Variants in HSPB6 observed in about 807,000 individuals in gnomAD.
HSPB6 encodes heat shock protein beta-6.
In HSPB6, 8 loss-of-function variants were observed where a neutral mutation model predicts 10.7. The ratio of observed to expected loss-of-function variants is 0.75; its 90% confidence interval spans 0.44 to 1.35. The LOEUF (loss-of-function observed/expected upper bound fraction) is 1.35, where lower values mean the gene tolerates loss of function less well. Among genes scored for constraint, HSPB6 ranks in the 40% most tolerant of loss-of-function variants. The pLI, the probability that HSPB6 is intolerant of heterozygous loss-of-function variation, is 0.00. For missense variants in HSPB6, 232 were observed against 236.0 expected (o/e 0.98, Z 0.11); for synonymous variants, 128 against 114.2 (o/e 1.12, Z -0.77).
rs1970735201 is a variant in HSPB6, at chr19:35,755,008, A to G, written c.*514T>C. Reference sequence around the variant, plus strand: ...GGGGAAGGATCGGGTCTTGGGAACCAGGCCTGGATGGTCTGGAGTGGGAGG... The same window carrying G: ...GGGGAAGGATCGGGTCTTGGGAACCGGGCCTGGATGGTCTGGAGTGGGAGG... On this transcript the variant is annotated 3_prime_UTR_variant, in exon 3 of 3. Coordinates refer to ENST00000004982, the MANE Select transcript of HSPB6 (RefSeq NM_144617.3). 1 of 224,916 alleles carries G rather than the reference A, an allele frequency of 4.4e-6. No homozygotes were observed. Among genetic ancestry groups the G allele is most frequent in the African/African-American group, 3.3e-5 (1 of 30,518 alleles). 13.9% of individuals were successfully genotyped at this position (224,916 alleles called of 1,614,324 possible).
In HSPB6 at chr19:35,755,334, C is replaced by T. The variant is rs1441567864; in HGVS notation, c.*188G>A. 2 of 713,950 alleles carry T rather than the reference C, an allele frequency of 2.8e-6. No homozygotes were observed. Among genetic ancestry groups the T allele is most frequent in the African/African-American group, 1.8e-5 (1 of 56,006 alleles). 44.2% of individuals were successfully genotyped at this position (713,950 alleles called of 1,614,324 possible). On this transcript the variant is annotated 3_prime_UTR_variant, in exon 3 of 3. Coordinates refer to ENST00000004982, the MANE Select transcript of HSPB6 (RefSeq NM_144617.3). ...CGGAAAGCTGGAGGGGGTGTGAGAGCGAGGGTGTCAGTGGAAGGGTCTATG... is the reference window on the plus strand; with the variant it reads ...CGGAAAGCTGGAGGGGGTGTGAGAGTGAGGGTGTCAGTGGAAGGGTCTATG...
rs573650486 is a variant in HSPB6, at chr19:35,755,501, C to A, written c.*21G>T. ...GGAGCCTGAGGAGGCTCCCGGGGTGCGGGCGCGGCCCAGCCCCCTCCTACT... is the reference window on the plus strand; with the variant it reads ...GGAGCCTGAGGAGGCTCCCGGGGTGAGGGCGCGGCCCAGCCCCCTCCTACT... On this transcript the variant is annotated 3_prime_UTR_variant, in exon 3 of 3. Transcript: ENST00000004982. The A allele has an allele frequency of 2.6e-6, 4 of 1,510,890 alleles. No homozygotes were observed. In the East Asian group the frequency reaches 1.0e-4, roughly 38 times the overall value. The allele number at this position is 1,510,890 out of a possible 1,614,324, so 93.6% of individuals were successfully genotyped here.
chr19:35,756,017 G>T, intron 1 of HSPB6, 123 bp from the exon 2 acceptor site: 1 of 1,374,932 alleles, frequency 7.3e-7, no homozygotes, highest in Non-Finnish European at 9.7e-7. Context: ...GAGTTGAGCA[G>T]TCAGCTCTCC....
chr19:35,755,042 G>T lies in HSPB6; in HGVS notation c.*480C>A. On this transcript the variant is annotated 3_prime_UTR_variant, in exon 3 of 3. Transcript: ENST00000004982. ...TGGTCTGGAGTGGGAGGTCTGTGCAGTCCAGGACGTTTGGGGGGTGGGGGG... is the reference window on the plus strand; with the variant it reads ...TGGTCTGGAGTGGGAGGTCTGTGCATTCCAGGACGTTTGGGGGGTGGGGGG... 1 of 299,090 alleles carries T rather than the reference G, an allele frequency of 3.3e-6. No homozygotes were observed. Among genetic ancestry groups the T allele is most frequent in the Non-Finnish European group, 6.3e-6 (1 of 159,604 alleles). 18.5% of individuals were successfully genotyped at this position (299,090 alleles called of 1,614,324 possible).
chr19:35,755,541 G>A lies in HSPB6; in HGVS notation c.464C>T (p.Pro155Leu), dbSNP rs867537413. ...QAAPASAQAP[P>L]PAAAK Reference sequence around the variant, plus strand: ...CCCCTCCTACTTGGCTGCGGCTGGCGGTGGGGCCTGGGCCGACGCTGGTGC... The same window carrying A: ...CCCCTCCTACTTGGCTGCGGCTGGCAGTGGGGCCTGGGCCGACGCTGGTGC... The change falls in exon 3 of 3, where the codon CCG (proline) becomes CTG (leucine). Residue 155 changes from proline (P) to leucine (L), a missense_variant. Physicochemically the swap from Pro to Leu is moderately conservative, Grantham distance 98 (BLOSUM62 -3). Coordinates refer to ENST00000004982, the MANE Select transcript of HSPB6 (RefSeq NM_144617.3). 11 of 1,517,682 alleles carry A rather than the reference G, an allele frequency of 7.2e-6. 1 individual carries two copies. The African/African-American group carries it at 1.4e-4, about 19-fold the overall frequency. 94.0% of individuals were successfully genotyped at this position (1,517,682 alleles called of 1,614,324 possible). A position where few individuals can be genotyped will look rare whatever the true frequency, so the allele number is the denominator to read the frequency against.
intron 1 of HSPB6, 129 bp from the exon 2 acceptor site, chr19:35,756,023 T>C (rs1448998036): frequency 3.0e-6 from 4 of 1,341,788 alleles, no homozygotes; most frequent in Non-Finnish European, 4.0e-6. Context: ...AGCAGTCAGC[T>C]CTCCTACTGG....
At chr19:35,756,598 C>A (rs1295565931) in intron 1 of HSPB6, among the ~76,000 whole-genome samples, 1 of 152,174 alleles carries the variant, frequency 6.6e-6, no homozygotes, top group Non-Finnish European at 1.5e-5. Context: ...CTGAGAGCCC[C>A]CCACCCCGCC....
intron 1 of HSPB6, 33 bp from the exon 2 acceptor site, chr19:35,755,927 T>A: frequency 6.5e-7 from 1 of 1,546,834 alleles, no homozygotes; most frequent in Non-Finnish European, 8.7e-7. Context: ...GGACTGTCAT[T>A]GGGCTGGGCC....
intron 1 of HSPB6, among the ~76,000 whole-genome samples, chr19:35,756,577 T>C (rs1211473565): frequency 2.0e-5 from 3 of 151,952 alleles, no homozygotes; most frequent in Non-Finnish European, 2.9e-5. Context: ...GGCCTTCCAT[T>C]CTCTGGAGAG....
In HSPB6 at chr19:35,755,120, G is replaced by A. The variant is rs1970736732; in HGVS notation, c.*402C>T. On this transcript the variant is annotated 3_prime_UTR_variant, in exon 3 of 3. Coordinates refer to ENST00000004982, the MANE Select transcript of HSPB6 (RefSeq NM_144617.3). Reference sequence around the variant, plus strand: ...GGAGGGCTGTCTACACCATAATTTGGTGTCAAAATAGGGAAGGGATGGAAA... The same window carrying A: ...GGAGGGCTGTCTACACCATAATTTGATGTCAAAATAGGGAAGGGATGGAAA... The A allele has an allele frequency of 5.9e-6, 2 of 341,780 alleles. No individual in the cohort carries two copies. The highest frequency in any genetic ancestry group is 1.1e-5 in the Non-Finnish European group (2 of 183,320). The allele number at this position is 341,780 out of a possible 1,614,324, so 21.2% of individuals were successfully genotyped here.
intron 1 of HSPB6, 72 bp downstream of exon 1, chr19:35,756,739 G>T (rs1278889025): frequency 6.9e-7 from 1 of 1,458,906 alleles, no homozygotes; most frequent in Non-Finnish European, 9.3e-7. Flanking sequence ...TCTCTCACAT[G>T]TTCCCACCCC....
At position 35,755,946 on chromosome 19, in the gene HSPB6, G is replaced by C. The variant is rs762802182; in HGVS notation, c.199-52C>G. ...TGTCATTGGGCTGGGCCAGGCTCCA[G>C]GACCCACCCAGGGAGACCCCACCCC... is the stretch of plus-strand genomic sequence containing the variant. On this transcript the variant is annotated intron_variant, in intron 1 of 2. Coordinates refer to ENST00000004982, the MANE Select transcript of HSPB6 (RefSeq NM_144617.3). 9 of 1,535,800 alleles carry C rather than the reference G, an allele frequency of 5.9e-6. No individual in the cohort carries two copies. The Admixed American group carries it at 1.6e-4, about 27-fold the overall frequency.
chr19:35,756,825 G>T lies in HSPB6; in HGVS notation c.184C>A (p.Leu62Met). 6.5e-7 allele frequency: 1 copy of T among 1,536,232 alleles called. No individual in the cohort carries two copies. Among genetic ancestry groups the T allele is most frequent in the Non-Finnish European group, 8.7e-7 (1 of 1,146,608 alleles). ...PYYLRAPSVA[L>M]PVAQVPTDPG... is the part of the protein sequence containing the mutation. ...AGGCCTGGCACCTGGGCGACGGGCAGCGCCACGCTGGGTGCGCGCAGGTAG... is the reference window on the plus strand; with the variant it reads ...AGGCCTGGCACCTGGGCGACGGGCATCGCCACGCTGGGTGCGCGCAGGTAG... Residue 62 changes from leucine (L) to methionine (M), a missense_variant, in exon 1 of 3, where the codon CTG (leucine) becomes ATG (methionine). Coordinates refer to ENST00000004982, the MANE Select transcript of HSPB6 (RefSeq NM_144617.3).
Position 35,755,544 on chromosome 19 carries a change from G to A in HSPB6, c.461C>T (p.Pro154Leu). Residue 154 changes from proline to leucine, a missense_variant, in exon 3 of 3, where the codon CCA becomes CTA. Coordinates refer to ENST00000004982, the MANE Select transcript of HSPB6 (RefSeq NM_144617.3). Reference protein sequence around the residue: ...IQAAPASAQAPPPAAAK With the variant: ...IQAAPASAQALPPAAAK The stretch of plus-strand genomic sequence containing the variant: ...CTCCTACTTGGCTGCGGCTGGCGGT[G>A]GGGCCTGGGCCGACGCTGGTGCGGC... 1 of 1,519,252 alleles carries A rather than the reference G, an allele frequency of 6.6e-7. No individual in the cohort carries two copies. The allele number at this position is 1,519,252 out of a possible 1,614,324, so 94.1% of individuals were successfully genotyped here. A position where few individuals can be genotyped will look rare whatever the true frequency, so the allele number is the denominator to read the frequency against.
Position 35,755,453 on chromosome 19 carries a change from G to T in HSPB6, c.*69C>A, listed in dbSNP as rs1277358670. On this transcript the variant is annotated 3_prime_UTR_variant, in exon 3 of 3. Transcript: ENST00000004982. ...CGCACTCGGGACATCTGGCTGGGCG[G>T]AGTCAGATCGGCTTTAATAGAGGGA... The T allele has an allele frequency of 6.9e-7, 1 of 1,448,314 alleles. No homozygotes were observed. Among genetic ancestry groups the T allele is most frequent in the African/African-American group, 1.4e-5 (1 of 70,854 alleles). The allele number at this position is 1,448,314 out of a possible 1,614,324, so 89.7% of individuals were successfully genotyped here.
At position 35,756,036 on chromosome 19, in the gene HSPB6, G is replaced by A. The variant is rs866528873; in HGVS notation, c.199-142C>T. The A allele has an allele frequency of 1.2e-5, 15 of 1,219,340 alleles. 1 individual carries two copies. The highest frequency in any genetic ancestry group is 2.8e-4 in the Middle Eastern group (1 of 3,578). The allele number at this position is 1,219,340 out of a possible 1,614,324, so 75.5% of individuals were successfully genotyped here. On this transcript the variant is annotated intron_variant, in intron 1 of 2. Transcript: ENST00000004982. ...TGAGCAGTCAGCTCTCCTACTGGGA[G>A]TCACCCAGGACCTCTTCACCCTGAA...
At position 35,755,902 on chromosome 19, in the gene HSPB6, C is replaced by T. The variant is rs2146530485; in HGVS notation, c.199-8G>A. On this transcript the variant is annotated splice_region_variant and splice_polypyrimidine_tract_variant and intron_variant, in intron 1 of 2. Coordinates refer to ENST00000004982, the MANE Select transcript of HSPB6 (RefSeq NM_144617.3). ...GCCGGGGTCCGTCGGCACCTGAGCG[C>T]AGCGGGCGCGGGCGGGACTGTCATT... 1.3e-6 allele frequency: 2 copies of T among 1,557,872 alleles called. No homozygotes were observed. The highest frequency in any genetic ancestry group is 1.9e-5 in the Admixed American group (1 of 52,328).
In HSPB6 at chr19:35,755,842, G is replaced by A. The variant is rs749817607; in HGVS notation, c.251C>T (p.Ser84Leu). The change falls in exon 2 of 3, where the codon TCG (serine) becomes TTG (leucine). Residue 84 changes from serine (S) to leucine (L), a missense_variant. Ser to Leu is a moderately radical substitution (Grantham distance 145). Transcript: ENST00000004982. Reference sequence around the variant, plus strand: ...CACCTTGACAGCAATTTCCTCCGGCGAGAAGTGCTTCACGTCTAGCAGCAC... The same window carrying A: ...CACCTTGACAGCAATTTCCTCCGGCAAGAAGTGCTTCACGTCTAGCAGCAC... ...FSVLLDVKHF[S>L]PEEIAVKVVG... 1 of 1,593,830 alleles carries A rather than the reference G, an allele frequency of 6.3e-7. No individual in the cohort carries two copies. Among genetic ancestry groups the A allele is most frequent in the South Asian group, 1.1e-5 (1 of 87,848 alleles).
Position 35,755,880 on chromosome 19 carries a change from G to A in HSPB6, c.213C>T (p.Pro71=). The change falls in exon 2 of 3, where the codon CCC becomes CCT. Residue 71 remains proline, a synonymous_variant. Coordinates refer to ENST00000004982, the MANE Select transcript of HSPB6 (RefSeq NM_144617.3). ...CGTCTAGCAGCACCGAAAAGTGGCC[G>A]GGGTCCGTCGGCACCTGAGCGCAGC... The part of the protein sequence containing the change: ...ALPVAQVPTD[P]GHFSVLLDVK... 1 of 1,570,380 alleles carries A rather than the reference G, an allele frequency of 6.4e-7. No homozygotes were observed.
Sources: allele counts gnomAD v4.1 joint callset (sites outside exome capture counted in the v4.1 genomes callset), GRCh38; gene constraint gnomAD v4.1.1; transcripts MANE v1.5; gene names NCBI Gene and HGNC (gene_info 2026-07-23, HGNC 2026-07-21).